The following IGFBP5 variants were observed in gnomAD, a reference collection of about 807,000 sequenced individuals.
IGFBP5 encodes the protein insulin-like growth factor-binding protein 5.
A neutral mutation model predicts 28.0 loss-of-function variants in IGFBP5; 12 were observed. The ratio of observed to expected loss-of-function variants is 0.43; its 90% CI spans 0.27 to 0.69. IGFBP5 has a LOEUF of 0.69. Ranked by LOEUF, IGFBP5 falls within the 30% of genes least tolerant of loss-of-function variation. IGFBP5 has a pLI of 0.20. For missense variants in IGFBP5, 344 were observed against 381.6 expected (o/e 0.90, Z 0.82); for synonymous variants, 152 against 150.2 (o/e 1.01, Z -0.09).
intron 2 of IGFBP5, 175 bp downstream of exon 2, chr2:216,678,675 G>T: frequency 1.6e-6 from 1 of 613,830 alleles, no homozygotes; most frequent in South Asian, 2.0e-5. Flanking sequence ...CAAGCCCTTG[G>T]CCCTGACAAG....
At chr2:216,685,794 G>A (rs1041508443) in intron 1 of IGFBP5, among the ~76,000 whole-genome samples, 5 of 152,180 alleles carry the variant, frequency 3.3e-5, no homozygotes, top group African/African-American at 1.2e-4. Flanking sequence ...CCAGGGAAGT[G>A]GCAACATCAT....
Position 216,679,128 on chromosome 2 carries a change from A to T in IGFBP5, c.338-49T>A, listed in dbSNP as rs756707153. ...TCAGCCCCCGTGGGCCAAGGTGCAC[A>T]CGGCCAGAGCCCAGGGCTGGGCAGT... On this transcript the variant is annotated intron_variant, in intron 1 of 3. Transcript: ENST00000233813. The surrounding 1 kb of genome is among the most constrained non-coding windows in gnomAD (Gnocchi z 4.6). 7 of 1,516,318 alleles carry T rather than the reference A, an allele frequency of 4.6e-6. No homozygotes were observed. Among genetic ancestry groups the T allele is most frequent in the Non-Finnish European group, 6.4e-6 (7 of 1,092,458 alleles). 93.9% of individuals were successfully genotyped at this position (1,516,318 alleles called of 1,614,324 possible).
chr2:216,684,052 G>A (rs999666893), intron 1 of IGFBP5, among the ~76,000 whole-genome samples: 1 of 152,220 alleles, frequency 6.6e-6, no homozygotes, highest in Admixed American at 6.5e-5. Context: ...CATCCTCTAT[G>A]TCCTGGCAAA....
At chr2:216,684,410 G>T (rs1459425010) in intron 1 of IGFBP5, among the ~76,000 whole-genome samples, 3 of 152,192 alleles carry the variant, frequency 2.0e-5, no homozygotes, top group African/African-American at 7.2e-5. Flanking sequence ...ATAATCAATT[G>T]TAAGAGAAAA....
In IGFBP5 at chr2:216,676,684, G is replaced by A; in HGVS notation, c.*67C>T. 1 of 1,040,272 alleles carries A rather than the reference G, an allele frequency of 9.6e-7. No individual in the cohort carries two copies. The highest frequency in any genetic ancestry group is 1.4e-6 in the Non-Finnish European group (1 of 693,306). The allele number at this position is 1,040,272 out of a possible 1,614,324, so 64.4% of individuals were successfully genotyped here. On this transcript the variant is annotated 3_prime_UTR_variant, in exon 4 of 4. Transcript: ENST00000233813. Reference sequence around the variant, plus strand: ...GAAATGAGTGGCGTCCTGGGGTGGAGGGAGGCGCTGGCTGGAGTCGGGGCT... The same window carrying A: ...GAAATGAGTGGCGTCCTGGGGTGGAAGGAGGCGCTGGCTGGAGTCGGGGCT...
In IGFBP5 at chr2:216,694,621, C is replaced by T; in HGVS notation, c.155G>A (p.Gly52Asp). ...GGCGCAGGTCATGCAGCAGCCGCAG[C>T]CCGGCTCCTTGACCAGCTCGCAGCC... Reference protein sequence around the residue: ...PLGCELVKEPGCGCCMTCALA... With the variant: ...PLGCELVKEPDCGCCMTCALA... The change falls in exon 1 of 4, where the codon GGC becomes GAC. Residue 52 changes from glycine to aspartate, a missense_variant. Transcript: ENST00000233813. This position sits in a 1 kb window ranked among gnomAD's most constrained non-coding sequence, Gnocchi z 5.2. 3 of 1,538,904 alleles carry T rather than the reference C, an allele frequency of 1.9e-6. No individual in the cohort carries two copies.
chr2:216,677,825 G>A (rs78349933), intron 3 of IGFBP5, among the ~76,000 whole-genome samples: 1,700 of 152,308 alleles, frequency 0.011, 30 homozygotes, highest in African/African-American at 0.039. Flanking sequence ...CCAATGATAC[G>A]TGCTGTGCGA....
In IGFBP5 at chr2:216,678,202, G is replaced by A. The variant is rs1559186025; in HGVS notation, c.597C>T (p.Ser199=). The A allele has an allele frequency of 1.3e-6, 2 of 1,592,958 alleles. No individual in the cohort carries two copies. Among genetic ancestry groups the A allele is most frequent in the East Asian group, 2.3e-5 (1 of 43,962 alleles). The change falls in exon 3 of 4, where the codon TCC becomes TCT. Residue 199 remains serine (S), a synonymous_variant. Transcript: ENST00000233813. ...GTGGGCTGGCTTTGAGCTCCTGCAG[G>A]GAAGCCTCCATGTGTCTGCGGCAGG... The part of the protein sequence containing the change: ...QGPCRRHMEA[S]LQELKASPRM...
At chr2:216,685,559 C>T (rs931914297) in intron 1 of IGFBP5, among the ~76,000 whole-genome samples, 2 of 152,222 alleles carry the variant, frequency 1.3e-5, no homozygotes, top group African/African-American at 2.4e-5. Flanking sequence ...AACCCTAGGT[C>T]CCTAGCCAAC....
At chr2:216,691,038 G>A (rs1191112423) in intron 1 of IGFBP5, among the ~76,000 whole-genome samples, 1 of 152,090 alleles carries the variant, frequency 6.6e-6, no homozygotes, top group African/African-American at 2.4e-5. Context: ...GGGTGGGAAA[G>A]GAATTTGGCT....
intron 1 of IGFBP5, among the ~76,000 whole-genome samples, chr2:216,687,302 C>T (rs1165473527): frequency 2.6e-5 from 4 of 152,164 alleles, no homozygotes; most frequent in African/African-American, 9.7e-5. Context: ...CTTCATGCTG[C>T]GTTAAGGGCA....
chr2:216,676,619 C>T lies in IGFBP5; in HGVS notation c.*132G>A, dbSNP rs1688901972. 2 of 577,302 alleles carry T rather than the reference C, an allele frequency of 3.5e-6. No individual in the cohort carries two copies. The highest frequency in any genetic ancestry group is 7.1e-5 in the Admixed American group (2 of 28,030). 35.8% of individuals were successfully genotyped at this position (577,302 alleles called of 1,614,324 possible). ...CTAGAGATTCCGAGGTCCTCAGTTTCCTCAAATAGATAGATATATATTTTT... is the reference window on the plus strand; with the variant it reads ...CTAGAGATTCCGAGGTCCTCAGTTTTCTCAAATAGATAGATATATATTTTT... On this transcript the variant is annotated 3_prime_UTR_variant, in exon 4 of 4. Coordinates refer to ENST00000233813, the MANE Select transcript of IGFBP5 (RefSeq NM_000599.4).
In IGFBP5 at chr2:216,672,382, A is replaced by C. The variant is rs1183097672; in HGVS notation, c.*4369T>G. The C allele has an allele frequency of 7.8e-6, 1 of 128,820 alleles. No homozygotes were observed. The highest frequency in any genetic ancestry group is 2.2e-4 in the East Asian group (1 of 4,462). The allele number at this position is 128,820 out of a possible 1,614,324, so 8.0% of individuals were successfully genotyped here. A position where few individuals can be genotyped will look rare whatever the true frequency, so the allele number is the denominator to read the frequency against. On this transcript the variant is annotated 3_prime_UTR_variant, in exon 4 of 4. Transcript: ENST00000233813. ...GTTGATTTATTTTTCCATCCTTTTC[A>C]CCAGTAAAGATTATCATCGTTTATT...
In IGFBP5 at chr2:216,672,523, AAAAAAG is replaced by A. The variant is rs1031940289; in HGVS notation, c.*4222_*4227del. The stretch of plus-strand genomic sequence containing the variant: ...CTGTGGTTATTGCTGTCTTCAAAAA[AAAAAAG>A]AAAAAGAAAAACAACAACAACAACA... On this transcript the variant is annotated 3_prime_UTR_variant, in exon 4 of 4. Coordinates refer to ENST00000233813, the MANE Select transcript of IGFBP5 (RefSeq NM_000599.4). The A allele has an allele frequency of 3.3e-5, 5 of 152,216 alleles. No individual in the cohort carries two copies. Among genetic ancestry groups the A allele is most frequent in the African/African-American group, 1.2e-4 (5 of 41,370 alleles). 9.4% of individuals were successfully genotyped at this position (152,216 alleles called of 1,614,324 possible).
rs1688943080 is a variant in IGFBP5 at position 216,679,320 on chromosome 2, T to C, written c.338-241A>G. 2 of 560,406 alleles carry C rather than the reference T, an allele frequency of 3.6e-6. No individual in the cohort carries two copies. Among genetic ancestry groups the C allele is most frequent in the Non-Finnish European group, 3.2e-6 (1 of 307,928 alleles). 34.7% of individuals were successfully genotyped at this position (560,406 alleles called of 1,614,324 possible). Reference sequence around the variant, plus strand: ...AAGCAGAGAGTGCAGGCAGGGAGGCTTCACAGAGGAGGAGAATCGAGAGAC... The same window carrying C: ...AAGCAGAGAGTGCAGGCAGGGAGGCCTCACAGAGGAGGAGAATCGAGAGAC... On this transcript the variant is annotated intron_variant, in intron 1 of 3. Coordinates refer to ENST00000233813, the MANE Select transcript of IGFBP5 (RefSeq NM_000599.4). This position sits in a 1 kb window ranked among gnomAD's most constrained non-coding sequence, Gnocchi z 4.6.
intron 1 of IGFBP5, among the ~76,000 whole-genome samples, chr2:216,682,628 C>T (rs1320202125): frequency 2.0e-5 from 3 of 152,004 alleles, no homozygotes; most frequent in Admixed American, 6.6e-5. Flanking sequence ...ACAAACAGGT[C>T]AATATCTCCA....
At chr2:216,687,674 A>C (rs1689046595) in intron 1 of IGFBP5, among the ~76,000 whole-genome samples, 1 of 152,200 alleles carries the variant, frequency 6.6e-6, no homozygotes, top group African/African-American at 2.4e-5. Context: ...TCTGTTCCTC[A>C]TACATTCCCC....
At position 216,681,980 on chromosome 2, in the gene IGFBP5, C is replaced by T. The variant is rs577506455; in HGVS notation, c.338-2901G>A. 3.6e-4 allele frequency among the ~76,000 whole-genome samples: 55 copies of T among 152,250 alleles called. No individual in the cohort carries two copies. The South Asian group carries it at 6.4e-3, about 18-fold the overall frequency. Reference sequence around the variant, plus strand: ...CTTTGAAAGTGTTCAAGTACTGCCCCGGGGCCAAGCAACCATGATACTGGC... The same window carrying T: ...CTTTGAAAGTGTTCAAGTACTGCCCTGGGGCCAAGCAACCATGATACTGGC... On this transcript the variant is annotated intron_variant, in intron 1 of 3. Coordinates refer to ENST00000233813, the MANE Select transcript of IGFBP5 (RefSeq NM_000599.4).
intron 1 of IGFBP5, among the ~76,000 whole-genome samples, chr2:216,688,592 G>A (rs991601769): frequency 4.6e-5 from 7 of 152,268 alleles, no homozygotes; most frequent in African/African-American, 1.4e-4. Context: ...AGGTGACAGA[G>A]GGGTGTCGCA....
Sources: gnomAD v4.1 joint callset for allele counts (sites outside exome capture counted in the v4.1 genomes callset) on GRCh38, gnomAD v4.1.1 for gene constraint, Gnocchi (gnomAD v3.1) non-coding constraint, MANE v1.5 for transcripts, NCBI Gene and HGNC (gene_info 2026-07-23, HGNC 2026-07-21) for gene names.